DLG2: variants seen among roughly 807,000 people sequenced by gnomAD.
DLG2 encodes discs large MAGUK scaffold protein 2, also known as disks large homolog 2.
In DLG2, 45 loss-of-function variants were observed where a neutral mutation model predicts 132.5. The ratio of observed to expected loss-of-function variants is 0.34; its 90% CI spans 0.27 to 0.44. DLG2 has a LOEUF of 0.44. Ranked by LOEUF, DLG2 falls within the 20% of genes least tolerant of loss-of-function variation. The probability of loss-of-function intolerance (pLI) is 1.00; values close to 1 mark genes in which losing one functional copy is unlikely to be tolerated. For missense variants in DLG2, 1,045 were observed against 1,196.9 expected (o/e 0.87, Z 1.87); for synonymous variants, 424 against 419.6 (o/e 1.01, Z -0.13).
intron 6 of DLG2, among the ~76,000 whole-genome samples, chr11:85,049,050 T>C (rs2062632130): frequency 6.6e-6 from 1 of 152,086 alleles, no homozygotes; most frequent in South Asian, 2.1e-4. Context: ...AAGTACTTTG[T>C]ATACATTCGT....
intron 18 of DLG2, among the ~76,000 whole-genome samples, chr11:83,684,680 G>C (rs2079422266): frequency 6.6e-6 from 1 of 152,096 alleles, no homozygotes; most frequent in South Asian, 2.1e-4. Flanking sequence ...TATGTCTGAA[G>C]TAGGTATCCA....
intron 9 of DLG2, among the ~76,000 whole-genome samples, chr11:84,109,237 C>A (rs1417537115): frequency 6.6e-6 from 1 of 152,086 alleles, no homozygotes; most frequent in African/African-American, 2.4e-5. Context: ...TGGGTTATTG[C>A]AGGAATATCA....
chr11:84,010,975 T>C (rs2094856735), intron 11 of DLG2, among the ~76,000 whole-genome samples: 1 of 152,156 alleles, frequency 6.6e-6, no homozygotes, highest in Non-Finnish European at 1.5e-5. Flanking sequence ...TTCGAATTAG[T>C]TCTAATCACA....
chr11:84,741,777 C>G (rs1188893025), intron 6 of DLG2, among the ~76,000 whole-genome samples: 3 of 151,966 alleles, frequency 2.0e-5, no homozygotes, highest in Non-Finnish European at 2.9e-5. Flanking sequence ...CATGGTATCT[C>G]TAAAGGAACA....
intron 3 of DLG2, among the ~76,000 whole-genome samples, chr11:85,399,905 G>A (rs2087867728): frequency 1.3e-5 from 2 of 151,982 alleles, no homozygotes; most frequent in Admixed American, 1.3e-4. Flanking sequence ...CAAAAGCAAT[G>A]GCAACAAAAG....
chr11:83,883,320 G>C (rs1264038592), intron 15 of DLG2, among the ~76,000 whole-genome samples: 2 of 152,076 alleles, frequency 1.3e-5, no homozygotes, highest in African/African-American at 2.4e-5. Context: ...ATACCGAATT[G>C]ACTTGTAAGG....
intron 3 of DLG2, among the ~76,000 whole-genome samples, chr11:85,552,307 A>T (rs1352762304): frequency 6.6e-6 from 1 of 151,592 alleles, no homozygotes; most frequent in Non-Finnish European, 1.5e-5. Context: ...TACCCAAAAG[A>T]AATAAATGCA....
intron 16 of DLG2, among the ~76,000 whole-genome samples, chr11:83,842,263 T>C (rs943421124): frequency 6.6e-6 from 1 of 152,068 alleles, no homozygotes; most frequent in African/African-American, 2.4e-5. Context: ...AGGCTTTCTC[T>C]CTTTACGGCA....
rs537366217 is a variant in DLG2 at position 85,250,559 on chromosome 11, G to A, written c.186+34661C>T. 2.6e-5 allele frequency among the ~76,000 whole-genome samples: 4 copies of A among 152,204 alleles called. No homozygotes were observed. In the East Asian group the frequency reaches 7.7e-4, roughly 29 times the overall value. On this transcript the variant is annotated intron_variant, in intron 4 of 27. Coordinates refer to ENST00000376104, the MANE Select transcript of DLG2 (RefSeq NM_001142699.3). ...AAAGGCTCTCATGTTTTTCTTGCAAGAAGATTATTATTCACCTAATATTTT... is the reference window on the plus strand; with the variant it reads ...AAAGGCTCTCATGTTTTTCTTGCAAAAAGATTATTATTCACCTAATATTTT...
intron 6 of DLG2, among the ~76,000 whole-genome samples, chr11:84,603,678 T>A (rs1294278887): frequency 6.6e-6 from 1 of 152,008 alleles, no homozygotes; most frequent in East Asian, 1.9e-4. Flanking sequence ...TCTTCTTTGT[T>A]ACCAAGATCT....
At chr11:83,682,858 G>A (rs529594324) in intron 18 of DLG2, among the ~76,000 whole-genome samples, 8 of 152,250 alleles carry the variant, frequency 5.3e-5, no homozygotes, top group African/African-American at 1.9e-4. Flanking sequence ...AGATTAGGGA[G>A]TCCTACCCCC....
chr11:84,123,522 G>C (rs1233738194), intron 9 of DLG2, among the ~76,000 whole-genome samples: 1 of 152,158 alleles, frequency 6.6e-6, no homozygotes, highest in East Asian at 1.9e-4. Context: ...TTTAAATGTA[G>C]TCCTTTCACT....
At chr11:84,998,524 C>A (rs2057899771) in intron 6 of DLG2, among the ~76,000 whole-genome samples, 1 of 152,064 alleles carries the variant, frequency 6.6e-6, no homozygotes, top group South Asian at 2.1e-4. Flanking sequence ...GACTAATACA[C>A]ATATATAATT....
intron 6 of DLG2, among the ~76,000 whole-genome samples, chr11:84,691,274 G>T (rs2058006667): frequency 6.6e-6 from 1 of 151,684 alleles, no homozygotes; most frequent in Non-Finnish European, 1.5e-5. Context: ...CAAGCTTCCG[G>T]AGGTAGTGAT....
At chr11:84,365,415 A>C (rs1445677024) in intron 7 of DLG2, among the ~76,000 whole-genome samples, 1 of 150,582 alleles carries the variant, frequency 6.6e-6, no homozygotes, top group Admixed American at 6.6e-5. Flanking sequence ...TTTTTTAATT[A>C]GTCTTGCTAG....
intron 6 of DLG2, among the ~76,000 whole-genome samples, chr11:84,936,053 C>G (rs1048521923): frequency 5.9e-5 from 9 of 152,152 alleles, no homozygotes; most frequent in Admixed American, 2.6e-4. Flanking sequence ...ACATTTAATG[C>G]AATATCCTTA....
chr11:84,434,163 T>C (rs2098993607), intron 7 of DLG2, among the ~76,000 whole-genome samples: 2 of 151,400 alleles, frequency 1.3e-5, no homozygotes, highest in African/African-American at 4.8e-5. Flanking sequence ...ACAAGTTTGC[T>C]ACACTTAACC....
chr11:85,282,026 T>TA (rs945641242), intron 4 of DLG2, among the ~76,000 whole-genome samples: 13 of 148,424 alleles, frequency 8.8e-5, no homozygotes, highest in Non-Finnish European at 1.0e-4. Context: ...TTTACTTGAC[T>TA]AAAAAAAAAA....
At chr11:84,363,990 A>C (rs948459468) in intron 7 of DLG2, among the ~76,000 whole-genome samples, 16 of 151,898 alleles carry the variant, frequency 1.1e-4, no homozygotes, top group South Asian at 2.1e-4. Flanking sequence ...CTTGGTGATG[A>C]GGGCTCTTTT....
Sources: gnomAD v4.1 joint callset for allele counts (sites outside exome capture counted in the v4.1 genomes callset) on GRCh38, gnomAD v4.1.1 for gene constraint, MANE v1.5 for transcripts, NCBI Gene and HGNC (gene_info 2026-07-23, HGNC 2026-07-21) for gene names.